KIAA1217: variants seen among roughly 807,000 people sequenced by gnomAD.
KIAA1217 encodes the protein sickle tail protein homolog.
A neutral mutation model predicts 163.9 loss-of-function variants in KIAA1217; 88 were observed. That is an observed-to-expected ratio of 0.54 (90% CI 0.45 to 0.64). The LOEUF is 0.64. KIAA1217 is among the 30% of genes least tolerant of loss of function. The pLI is 0.00. For synonymous variants in KIAA1217, 903 were observed against 923.1 expected (o/e 0.98, Z 0.39); for missense variants, 2,372 against 2,475.0 (o/e 0.96, Z 0.88).
chr10:24,395,038 C>G (rs2055530709), intron 3 of KIAA1217, among the ~76,000 whole-genome samples: 1 of 152,152 alleles, frequency 6.6e-6, no homozygotes, highest in Non-Finnish European at 1.5e-5. Flanking sequence ...TGCTGCAGGT[C>G]AGGGGACCAC....
intron 2 of KIAA1217, among the ~76,000 whole-genome samples, chr10:24,145,353 G>A (rs1589665251): frequency 6.6e-6 from 1 of 152,310 alleles, no homozygotes; most frequent in East Asian, 1.9e-4. Context: ...GTTGATTATT[G>A]GAGATTAGTC....
chr10:23,800,203 C>T (rs1446069128), intron 1 of KIAA1217, among the ~76,000 whole-genome samples: 1 of 152,076 alleles, frequency 6.6e-6, no homozygotes, highest in Non-Finnish European at 1.5e-5. Context: ...AGACACTAAT[C>T]CATACTGTAT....
chr10:24,432,243 G>A lies in KIAA1217; in HGVS notation c.554-752G>A, dbSNP rs866582337. Among the ~76,000 whole-genome samples, 12 of 149,622 alleles carry A rather than the reference G, an allele frequency of 8.0e-5. 1 individual carries two copies. In the South Asian group the frequency reaches 2.0e-3, roughly 24 times the overall value. The stretch of plus-strand genomic sequence containing the variant: ...AGCAACTCTCTTGCCTCAGCCTCCC[G>A]AGTAGCTGGGATTACAGGCATGTGC... On this transcript the variant is annotated intron_variant, in intron 3 of 20. Coordinates refer to ENST00000376454, the MANE Select transcript of KIAA1217 (RefSeq NM_019590.5).
intron 5 of KIAA1217, among the ~76,000 whole-genome samples, chr10:24,444,745 A>C (rs754502741): frequency 6.6e-6 from 1 of 152,158 alleles, no homozygotes; most frequent in Non-Finnish European, 1.5e-5. Flanking sequence ...GTTTATTTTT[A>C]TCATATGGAC....
chr10:24,484,631 C>T (rs1342920695), intron 6 of KIAA1217, among the ~76,000 whole-genome samples: 3 of 151,998 alleles, frequency 2.0e-5, no homozygotes, highest in Admixed American at 1.3e-4. Context: ...GCAATCATAG[C>T]TCACTGCAGC....
intron 2 of KIAA1217, among the ~76,000 whole-genome samples, chr10:24,161,965 A>G (rs1278005186): frequency 6.6e-6 from 1 of 152,218 alleles, no homozygotes; most frequent in Non-Finnish European, 1.5e-5. Flanking sequence ...CTCAAACTTA[A>G]CAATGAAGAA....
At chr10:24,387,578 A>G (rs2054186980) in intron 3 of KIAA1217, among the ~76,000 whole-genome samples, 1 of 152,200 alleles carries the variant, frequency 6.6e-6, no homozygotes, top group Non-Finnish European at 1.5e-5. Flanking sequence ...AGAAAGAAAT[A>G]AAGGGTATTC....
At chr10:23,916,298 T>C (rs1203070493) in intron 1 of KIAA1217, among the ~76,000 whole-genome samples, 1 of 152,170 alleles carries the variant, frequency 6.6e-6, no homozygotes, top group Non-Finnish European at 1.5e-5. Context: ...AAAGGTAAGT[T>C]AAGGCCATAT....
At position 23,891,066 on chromosome 10, in the gene KIAA1217, G is replaced by A. The variant is rs575605273; in HGVS notation, c.-320-116159G>A. Among the ~76,000 whole-genome samples the A allele has an allele frequency of 6.6e-5, 10 of 151,742 alleles. No homozygotes were observed. The South Asian group carries it at 1.0e-3, about 16-fold the overall frequency. ...AATAGCCTCATCATCTTTCTTATCC[G>A]GACTGTTCACATGAAAAGCTTCCCA... On this transcript the variant is annotated intron_variant, in intron 1 of 18. Coordinates refer to the KIAA1217 transcript ENST00000376462.
intron 2 of KIAA1217, among the ~76,000 whole-genome samples, chr10:24,137,374 G>C (rs895538976): frequency 2.0e-5 from 3 of 152,196 alleles, no homozygotes; most frequent in African/African-American, 7.2e-5. Context: ...TTGCAGCAGG[G>C]CATCCCTAGG....
chr10:24,294,009 C>T (rs571862195), intron 2 of KIAA1217, among the ~76,000 whole-genome samples: 16 of 151,816 alleles, frequency 1.1e-4, no homozygotes, highest in African/African-American at 1.9e-4. Flanking sequence ...CTGGCTAAGA[C>T]GGGGAAACAC....
At chr10:24,440,742 A>G (rs2060432817) in intron 5 of KIAA1217, among the ~76,000 whole-genome samples, 1 of 152,176 alleles carries the variant, frequency 6.6e-6, no homozygotes, top group Non-Finnish European at 1.5e-5. Flanking sequence ...ATTGTCCCCA[A>G]ATGAAGGGAC....
At chr10:24,346,275 C>G (rs2047754449) in intron 2 of KIAA1217, among the ~76,000 whole-genome samples, 1 of 152,032 alleles carries the variant, frequency 6.6e-6, no homozygotes, top group African/African-American at 2.4e-5. Context: ...ACCATCCTGG[C>G]TAACACAGTG....
chr10:24,302,481 C>G (rs2041485110), intron 2 of KIAA1217, among the ~76,000 whole-genome samples: 1 of 152,082 alleles, frequency 6.6e-6, no homozygotes, highest in Non-Finnish European at 1.5e-5. Context: ...TTTAATTTGG[C>G]CTTATGTTTT....
In KIAA1217 at chr10:24,130,661, G is replaced by A. The variant is rs527999068; in HGVS notation, c.-170-88965G>A. ...TCCCAAACAGATGTATTATTCAGCT[G>A]CTCATAAAAATCAGAATAATGCCGA... On this transcript the variant is annotated intron_variant, in intron 2 of 18. Transcript: ENST00000376462. 5.3e-5 allele frequency among the ~76,000 whole-genome samples: 8 copies of A among 152,250 alleles called. No individual in the cohort carries two copies. In the East Asian group the frequency reaches 1.3e-3, roughly 26 times the overall value.
chr10:23,953,392 A>C (rs922834180), intron 1 of KIAA1217, among the ~76,000 whole-genome samples: 5 of 152,232 alleles, frequency 3.3e-5, no homozygotes, highest in African/African-American at 9.6e-5. Flanking sequence ...ATGGCTCTCA[A>C]CATACCAAGG....
intron 3 of KIAA1217, among the ~76,000 whole-genome samples, chr10:24,394,066 T>G (rs958000991): frequency 1.3e-5 from 2 of 152,246 alleles, no homozygotes; most frequent in Admixed American, 1.3e-4. Flanking sequence ...TCAGCTTGGT[T>G]TCTTAGCATT....
chr10:23,825,809 T>A (rs1174927154), intron 1 of KIAA1217, among the ~76,000 whole-genome samples: 1 of 152,176 alleles, frequency 6.6e-6, no homozygotes, highest in African/African-American at 2.4e-5. Flanking sequence ...TGAGATCCAA[T>A]GCTGACTTTG....
At chr10:24,194,762 ATTTTTTTTTTTTTTT>A (rs762968095) in intron 2 of KIAA1217, among the ~76,000 whole-genome samples, 3 of 97,994 alleles carry the variant, frequency 3.1e-5, no homozygotes, top group African/African-American at 1.2e-4. Context: ...AGCCAATTAA[ATTTTTTTTTTTTTTT>A]TTTTTTTTTT....
Sources: gnomAD v4.1 joint callset for allele counts (sites outside exome capture counted in the v4.1 genomes callset) on GRCh38, gnomAD v4.1.1 for gene constraint, MANE v1.5 for transcripts, NCBI Gene and HGNC (gene_info 2026-07-23, HGNC 2026-07-21) for gene names.